Variants in STAC observed in about 807,000 individuals in gnomAD.
STAC encodes SH3 and cysteine-rich domain-containing protein.
Under a neutral mutation model 48.8 loss-of-function variants are expected in STAC, and 43 were observed. The observed-to-expected ratio is 0.88, with a 90% CI of 0.69 to 1.14. The LOEUF (loss-of-function observed/expected upper bound fraction) is 1.14. STAC is among the 50% of genes most tolerant of loss of function. The pLI, the probability that STAC is intolerant of heterozygous loss-of-function variation, is 0.00. For synonymous variants in STAC, 193 were observed against 179.5 expected (o/e 1.07, Z -0.60); for missense variants, 497 against 504.0 (o/e 0.99, Z 0.13).
chr3:36,468,353 G>A lies in STAC; in HGVS notation c.389-14639G>A, dbSNP rs113318050. On this transcript the variant is annotated intron_variant, in intron 2 of 10. Coordinates refer to ENST00000273183, the MANE Select transcript of STAC (RefSeq NM_003149.3). ...CCTGGAGAATGTTCCATGTGCTGAT[G>A]AACAGAATGTATATTCTGTAGTTGT... is the stretch of plus-strand genomic sequence containing the variant. Among the ~76,000 whole-genome samples, 434 of 152,134 alleles carry A rather than the reference G, an allele frequency of 2.9e-3. 4 individuals are homozygous for A. The highest frequency in any genetic ancestry group is 9.7e-3 in the African/African-American group (405 of 41,540).
chr3:36,381,991 T>C (rs895205466), intron 1 of STAC, among the ~76,000 whole-genome samples: 5 of 152,034 alleles, frequency 3.3e-5, no homozygotes, highest in African/African-American at 1.2e-4. Context: ...TTGTGAGGAG[T>C]ACATGAGAGG....
At chr3:36,434,374 A>T (rs1330138323) in intron 1 of STAC, among the ~76,000 whole-genome samples, 3 of 152,230 alleles carry the variant, frequency 2.0e-5, no homozygotes. Flanking sequence ...ATTTTAGAAA[A>T]GTTAAAAGGT....
intron 1 of STAC, among the ~76,000 whole-genome samples, chr3:36,415,085 G>A (rs900359992): frequency 1.3e-5 from 2 of 152,206 alleles, no homozygotes; most frequent in African/African-American, 2.4e-5. Flanking sequence ...CCCTACTGGG[G>A]AGTGCCTCCC....
At chr3:36,391,861 T>C (rs866604996) in intron 1 of STAC, among the ~76,000 whole-genome samples, 27 of 152,002 alleles carry the variant, frequency 1.8e-4, no homozygotes, top group African/African-American at 6.0e-4. Context: ...TTTTCTCAGG[T>C]CTGGAAGCAA....
At chr3:36,420,064 A>G (rs993270551) in intron 1 of STAC, among the ~76,000 whole-genome samples, 3 of 152,198 alleles carry the variant, frequency 2.0e-5, no homozygotes, top group African/African-American at 7.2e-5. Flanking sequence ...AAAATATACT[A>G]ATGGCTACTT....
At chr3:36,514,196 C>T (rs1371879760) in intron 8 of STAC, among the ~76,000 whole-genome samples, 3 of 139,100 alleles carry the variant, frequency 2.2e-5, no homozygotes, top group African/African-American at 5.4e-5. Flanking sequence ...TCCATCTACA[C>T]TGGCCTTCTT....
At chr3:36,515,039 A>AAATAATAATAATAATAAT (rs142944670) in intron 8 of STAC, among the ~76,000 whole-genome samples, 4 of 147,800 alleles carry the variant, frequency 2.7e-5, no homozygotes, top group African/African-American at 1.0e-4. Context: ...CTCTGTCTCC[A>AAATAATAATAATAATAAT]AATAATAATA....
In STAC at chr3:36,380,582, GCGCGCAGGACAGAAGCCT is replaced by G; in HGVS notation, c.-58_-41del. On this transcript the variant is annotated 5_prime_UTR_variant, in exon 1 of 11. Coordinates refer to ENST00000273183, the MANE Select transcript of STAC (RefSeq NM_003149.3). Reference sequence around the variant, plus strand: ...AGCAGCCTGGCGCGCGGCGGGCAGGGCGCGCAGGACAGAAGCCTCGCTGTTCCTCCGGGAGCCCAACAC... The same window carrying G: ...AGCAGCCTGGCGCGCGGCGGGCAGGGCGCTGTTCCTCCGGGAGCCCAACAC... The G allele has an allele frequency of 7.4e-7, 1 of 1,356,288 alleles. No individual in the cohort carries two copies. Among genetic ancestry groups the G allele is most frequent in the Non-Finnish European group, 1.0e-6 (1 of 973,510 alleles). 84.0% of individuals were successfully genotyped at this position (1,356,288 alleles called of 1,614,324 possible). A position where few individuals can be genotyped will look rare whatever the true frequency, so the allele number is the denominator to read the frequency against.
At chr3:36,509,510 TC>T (rs1299504744) in intron 8 of STAC, among the ~76,000 whole-genome samples, 3 of 152,178 alleles carry the variant, frequency 2.0e-5, no homozygotes, top group Middle Eastern at 3.2e-3. Context: ...CCAACTTTGT[TC>T]CATTCTCCCC....
intron 10 of STAC, among the ~76,000 whole-genome samples, chr3:36,536,206 T>C (rs1398220112): frequency 6.6e-6 from 1 of 151,972 alleles, no homozygotes; most frequent in African/African-American, 2.4e-5. Flanking sequence ...GGAGGGTGTA[T>C]GGCCATTGAC....
At chr3:36,517,107 A>C (rs1175256896) in intron 8 of STAC, among the ~76,000 whole-genome samples, 1 of 152,122 alleles carries the variant, frequency 6.6e-6, no homozygotes, top group Non-Finnish European at 1.5e-5. Context: ...TATCACTGAT[A>C]CCCAAGCTGT....
At chr3:36,396,515 C>T (rs968557518) in intron 1 of STAC, among the ~76,000 whole-genome samples, 7 of 152,092 alleles carry the variant, frequency 4.6e-5, no homozygotes, top group Non-Finnish European at 1.0e-4. Context: ...TGCTTTCCAT[C>T]TCACAGAAGT....
chr3:36,420,201 T>A (rs1700416636), intron 1 of STAC, among the ~76,000 whole-genome samples: 1 of 152,218 alleles, frequency 6.6e-6, no homozygotes, highest in Admixed American at 6.5e-5. Context: ...TACCAGATAG[T>A]GTGGATCAGA....
intron 1 of STAC, among the ~76,000 whole-genome samples, chr3:36,440,245 G>T (rs779580700): frequency 6.6e-6 from 1 of 152,208 alleles, no homozygotes; most frequent in Admixed American, 6.5e-5. Context: ...CATGCAGGAG[G>T]GTGGGGAGAA....
chr3:36,505,787 T>G lies in STAC; in HGVS notation c.873T>G (p.Val291=), dbSNP rs1222781518. ...SKDPLQMNTY[V]ALYKFVPQEN... is the part of the protein sequence containing the mutation. Reference sequence around the variant, plus strand: ...ACCCATTACAGATGAACACCTATGTTGCCTTGTACAAATTTGTACCACAGG... The same window carrying G: ...ACCCATTACAGATGAACACCTATGTGGCCTTGTACAAATTTGTACCACAGG... The change falls in exon 8 of 11, where the codon GTT becomes GTG. Residue 291 remains valine, a synonymous_variant. Transcript: ENST00000273183. 6.2e-7 allele frequency: 1 copy of G among 1,609,472 alleles called. No individual in the cohort carries two copies. The highest frequency in any genetic ancestry group is 8.5e-7 in the Non-Finnish European group (1 of 1,178,546).
chr3:36,417,279 T>C (rs1463994304), intron 1 of STAC, among the ~76,000 whole-genome samples: 3 of 152,216 alleles, frequency 2.0e-5, no homozygotes, highest in Admixed American at 1.3e-4. Context: ...TTTTCCCATA[T>C]AAATGGAACC....
intron 1 of STAC, among the ~76,000 whole-genome samples, chr3:36,440,283 T>C (rs892938881): frequency 6.6e-6 from 1 of 152,242 alleles, no homozygotes; most frequent in Non-Finnish European, 1.5e-5. Flanking sequence ...TCTATTGCTG[T>C]GTACACGCAA....
intron 5 of STAC, among the ~76,000 whole-genome samples, chr3:36,488,416 T>A (rs1324349190): frequency 6.6e-6 from 1 of 152,226 alleles, no homozygotes; most frequent in South Asian, 2.1e-4. Context: ...AACTTCGCTG[T>A]TCTGCTCAGC....
chr3:36,478,800 TG>T (rs536396585), intron 2 of STAC, among the ~76,000 whole-genome samples: 341 of 152,312 alleles, frequency 2.2e-3, no homozygotes, highest in African/African-American at 7.9e-3. Flanking sequence ...TTTTTGAATT[TG>T]TAGTAGAGAT....
Sources: gnomAD v4.1 joint callset for allele counts (sites outside exome capture counted in the v4.1 genomes callset) on GRCh38, gnomAD v4.1.1 for gene constraint, MANE v1.5 for transcripts, NCBI Gene and HGNC (gene_info 2026-07-23, HGNC 2026-07-21) for gene names.